The following ZNF888 variants were observed in gnomAD, a reference collection of about 807,000 sequenced individuals.
ZNF888 encodes CTD-2331H12.6.
In ZNF888, 5 loss-of-function variants were observed where a neutral mutation model predicts 7.2. The observed-to-expected ratio is 0.70, with a 90% CI of 0.36 to 1.46. ZNF888 has a LOEUF of 1.46. Among genes scored for constraint, ZNF888 ranks in the 40% most tolerant of loss-of-function variants. The pLI is 0.03. For missense variants in ZNF888, 716 were observed against 858.0 expected (o/e 0.83, Z 2.07); for synonymous variants, 240 against 284.3 (o/e 0.84, Z 1.57).
chr19:52,920,132 G>A lies in ZNF888; in HGVS notation c.-177-1195C>T, dbSNP rs1174801315. Among the ~76,000 whole-genome samples, 7 of 55,398 alleles carry A rather than the reference G, an allele frequency of 1.3e-4. 3 individuals are homozygous for A. Among genetic ancestry groups the A allele is most frequent in the African/African-American group, 2.6e-4 (4 of 15,436 alleles). The allele number at this position is 55,398 out of a possible 152,430, so 36.3% of individuals were successfully genotyped here. A position where few individuals can be genotyped will look rare whatever the true frequency, so the allele number is the denominator to read the frequency against. On this transcript the variant is annotated intron_variant, in intron 1 of 4. Transcript: ENST00000638862. Reference sequence around the variant, plus strand: ...AGGTGAGGGGCGCCTCTGCCCGGCCGCCCCTACTGGGAAGTGAGGAGCCCC... The same window carrying A: ...AGGTGAGGGGCGCCTCTGCCCGGCCACCCCTACTGGGAAGTGAGGAGCCCC...
In ZNF888 at chr19:52,905,620, C is replaced by T; in HGVS notation, c.*545G>A. 12 of 383,368 alleles carry T rather than the reference C, an allele frequency of 3.1e-5. No individual in the cohort carries two copies. The highest frequency in any genetic ancestry group is 2.5e-4 in the South Asian group (12 of 47,666). The allele number at this position is 383,368 out of a possible 1,614,324, so 23.7% of individuals were successfully genotyped here. On this transcript the variant is annotated 3_prime_UTR_variant, in exon 5 of 5. Coordinates refer to ENST00000638862, the MANE Select transcript of ZNF888 (RefSeq NM_001393938.1). Reference sequence around the variant, plus strand: ...GTGAGCCACCGCACTCAGCCTAATCCTCTTAACATAAACACTTTAATGTCA... The same window carrying T: ...GTGAGCCACCGCACTCAGCCTAATCTTCTTAACATAAACACTTTAATGTCA...
chr19:52,918,263 G>A (rs1331259770), intron 2 of ZNF888: 1 of 950,530 alleles, frequency 1.1e-6, no homozygotes, highest in African/African-American at 1.8e-5. Flanking sequence ...ACCAAGGTAG[G>A]TACATTGCTT....
Position 52,907,379 on chromosome 19 carries a change from C to A in ZNF888, c.943G>T (p.Val315Phe). The change falls in exon 5 of 5, where the codon GTT (valine) becomes TTT (phenylalanine). Residue 315 changes from valine (V) to phenylalanine (F), a missense_variant. Val to Phe is a conservative substitution (Grantham distance 50). Around this residue, in one of 2 missense-constraint regions of ZNF888, gnomAD observed 697 missense variants for 803.4 expected, o/e 0.87. Coordinates refer to ENST00000638862, the MANE Select transcript of ZNF888 (RefSeq NM_001393938.1). ...KTFSDKSALLVHKTIHTGEKP... is the reference protein window; with the variant it reads ...KTFSDKSALLFHKTIHTGEKP... ...TCTCCAGTATGAATTGTCTTGTGAA[C>A]TAAGAGGGCTGACTTGTCACTGAAC... 1 of 1,612,964 alleles carries A rather than the reference C, an allele frequency of 6.2e-7. No homozygotes were observed. The highest frequency in any genetic ancestry group is 1.7e-5 in the Admixed American group (1 of 59,940).
chr19:52,920,002 G>A (rs1424948000), intron 1 of ZNF888, among the ~76,000 whole-genome samples: 1 of 50,990 alleles, frequency 2.0e-5, no homozygotes, highest in Non-Finnish European at 4.2e-5. Context: ...GCCTCTGCCC[G>A]GCCGCCCCTA....
chr19:52,923,421 C>A lies in ZNF888; in HGVS notation c.-230G>T. On this transcript the variant is annotated 5_prime_UTR_variant, in exon 1 of 5. Transcript: ENST00000638862. ...GATCCGCTTCCTGGTCCGGGCGAAT[C>A]TACAAGCACAGGACAGAAGCCAGGC... 1.0e-6 allele frequency: 1 copy of A among 985,238 alleles called. No individual in the cohort carries two copies. The highest frequency in any genetic ancestry group is 1.2e-6 in the Non-Finnish European group (1 of 830,050). 61.0% of individuals were successfully genotyped at this position (985,238 alleles called of 1,614,324 possible).
chr19:52,908,241 G>C, intron 4 of ZNF888, 62 bp from the exon 5 acceptor site: 1 of 1,468,316 alleles, frequency 6.8e-7, no homozygotes, highest in South Asian at 1.1e-5. Context: ...ATACTGAAAC[G>C]TGTAAATATG....
chr19:52,907,652 T>G lies in ZNF888; in HGVS notation c.670A>C (p.Asn224His), dbSNP rs1435927447. Reference protein sequence around the residue: ...FQFNESGKSFNCSSLFKKHQI... With the variant: ...FQFNESGKSFHCSSLFKKHQI... ...TGTTTTTTAAAGAGTGAGCTACAAT[T>G]AAAGGATTTGCCACTCTCATTAAAT... is the stretch of plus-strand genomic sequence containing the variant. Residue 224 changes from asparagine (N) to histidine (H), a missense_variant, in exon 5 of 5, where the codon AAT becomes CAT. Coordinates refer to ENST00000638862, the MANE Select transcript of ZNF888 (RefSeq NM_001393938.1). 3.7e-6 allele frequency: 6 copies of G among 1,605,740 alleles called. No homozygotes were observed. The highest frequency in any genetic ancestry group is 2.2e-5 in the East Asian group (1 of 44,856).
chr19:52,918,355 G>A (rs560278376), intron 2 of ZNF888: 1 of 223,912 alleles, frequency 4.5e-6, no homozygotes, highest in Admixed American at 6.5e-5. Context: ...GCCAGGTATG[G>A]TGGTGCACAT....
chr19:52,919,757 A>G lies in ZNF888; in HGVS notation c.-177-820T>C, dbSNP rs1281810176. 5.7e-5 allele frequency among the ~76,000 whole-genome samples: 3 copies of G among 52,726 alleles called. 1 individual carries two copies. Among genetic ancestry groups the G allele is most frequent in the Non-Finnish European group, 1.3e-4 (3 of 23,418 alleles). The allele number at this position is 52,726 out of a possible 152,430, so 34.6% of individuals were successfully genotyped here. On this transcript the variant is annotated intron_variant, in intron 1 of 4. Coordinates refer to ENST00000638862, the MANE Select transcript of ZNF888 (RefSeq NM_001393938.1). Reference sequence around the variant, plus strand: ...ACCCATCGTCTGAGATGTGGGGAGCACCTCTGCCCCGCCGCCCTGTCTGGG... The same window carrying G: ...ACCCATCGTCTGAGATGTGGGGAGCGCCTCTGCCCCGCCGCCCTGTCTGGG...
chr19:52,913,617 C>T (rs2064711540), intron 4 of ZNF888: 1 of 707,640 alleles, frequency 1.4e-6, no homozygotes, highest in Non-Finnish European at 1.7e-6. Context: ...AGCCACTGTA[C>T]CCGGCCAGGT....
chr19:52,922,495 C>T (rs1427894160), intron 1 of ZNF888, among the ~76,000 whole-genome samples: 2 of 152,030 alleles, frequency 1.3e-5, no homozygotes, highest in Non-Finnish European at 2.9e-5. Flanking sequence ...TGCTGTCTGT[C>T]CTTCATCTCT....
rs2064706771 is a variant in ZNF888 at position 52,913,272 on chromosome 19, T to A, written c.142+1924A>T. 8.6e-5 allele frequency among the ~76,000 whole-genome samples: 13 copies of A among 152,010 alleles called. No individual in the cohort carries two copies. In the South Asian group the frequency reaches 2.7e-3, roughly 32 times the overall value. On this transcript the variant is annotated intron_variant, in intron 4 of 4. Transcript: ENST00000638862. ...TATACAGAAATAATTCTGGCATAAA[T>A]TTAAAAAGTTCTACTGGAGAAGAAG...
chr19:52,917,907 A>G lies in ZNF888; in HGVS notation c.-34T>C. On this transcript the variant is annotated 5_prime_UTR_variant, in exon 3 of 5. Transcript: ENST00000638862. Reference sequence around the variant, plus strand: ...CCTTTGCTTTCCTCTTCCTCTTCTGAGTTTCTTCTTCACATACCCAGAGTC... The same window carrying G: ...CCTTTGCTTTCCTCTTCCTCTTCTGGGTTTCTTCTTCACATACCCAGAGTC... 4 of 1,610,876 alleles carry G rather than the reference A, an allele frequency of 2.5e-6. No homozygotes were observed. The Middle Eastern group carries it at 4.9e-4, about 199-fold the overall frequency.
At chr19:52,919,607 G>A (rs2064797694) in intron 1 of ZNF888, among the ~76,000 whole-genome samples, 1 of 70,360 alleles carries the variant, frequency 1.4e-5, no homozygotes. Flanking sequence ...GAGCGTCTCT[G>A]CCTGGCTGCC....
At chr19:52,912,889 A>G (rs1265800802) in intron 4 of ZNF888, among the ~76,000 whole-genome samples, 1 of 152,038 alleles carries the variant, frequency 6.6e-6, no homozygotes, top group African/African-American at 2.4e-5. Flanking sequence ...AGGCAGATCA[A>G]CTGAGGTCGG....
chr19:52,917,636 C>A (rs147911288), intron 3 of ZNF888, among the ~76,000 whole-genome samples: 99 of 152,228 alleles, frequency 6.5e-4, no homozygotes, highest in African/African-American at 2.3e-3. Context: ...TGTGTGTGAG[C>A]CCTTCCCAGG....
intron 4 of ZNF888, among the ~76,000 whole-genome samples, chr19:52,911,560 G>T (rs1471117887): frequency 4.6e-5 from 7 of 151,452 alleles, no homozygotes; most frequent in Non-Finnish European, 1.0e-4. Context: ...GGATGGTCTC[G>T]ATCTCCTGAC....
At chr19:52,916,488 A>T (rs2064749361) in intron 3 of ZNF888, among the ~76,000 whole-genome samples, 1 of 151,498 alleles carries the variant, frequency 6.6e-6, no homozygotes, top group Admixed American at 6.6e-5. Flanking sequence ...GTGTGTGTAC[A>T]TATATATGTG....
chr19:52,908,229 T>A (rs1441225184), intron 4 of ZNF888, 50 bp from the exon 5 acceptor site: 1 of 1,529,390 alleles, frequency 6.5e-7, no homozygotes. Context: ...AGATAATATA[T>A]AATACTGAAA....
Sources: allele counts gnomAD v4.1 joint callset (sites outside exome capture counted in the v4.1 genomes callset), GRCh38; gene constraint gnomAD v4.1.1; regional missense constraint gnomAD v4.1.1; transcripts MANE v1.5; gene names NCBI Gene and HGNC (gene_info 2026-07-23, HGNC 2026-07-21).